The following DOCK4 variants were observed in gnomAD, a reference collection of about 807,000 sequenced individuals.
DOCK4 encodes the protein dedicator of cytokinesis 4.
Under a neutral mutation model 268.1 loss-of-function variants are expected in DOCK4, and 97 were observed. The ratio of observed to expected loss-of-function variants is 0.36; its 90% CI spans 0.31 to 0.43. The LOEUF (loss-of-function observed/expected upper bound fraction) is 0.43, where lower values mean the gene tolerates loss of function less well. Among genes scored for constraint, DOCK4 ranks in the 20% least tolerant of loss-of-function variants. The pLI, the probability that DOCK4 is intolerant of heterozygous loss-of-function variation, is 1.00. For synonymous variants in DOCK4, 954 were observed against 887.2 expected, an observed-to-expected ratio of 1.08 and a Z score of -1.34; for missense variants, 2,145 against 2,455.7, an observed-to-expected ratio of 0.87 and a Z score of 2.67.
chr7:112,084,904 C>T (rs141502115), intron 1 of DOCK4, among the ~76,000 whole-genome samples: 79 of 152,102 alleles, frequency 5.2e-4, no homozygotes, highest in African/African-American at 1.9e-3. Flanking sequence ...GTATTATTAC[C>T]ATGTATGTGT....
intron 1 of DOCK4, among the ~76,000 whole-genome samples, chr7:112,059,336 G>C (rs1222495307): frequency 6.6e-6 from 1 of 151,846 alleles, no homozygotes; most frequent in Non-Finnish European, 1.5e-5. Context: ...TAGAGACAGA[G>C]TTTCACCATG....
At chr7:111,899,870 G>A (rs1790990908) in intron 15 of DOCK4, among the ~76,000 whole-genome samples, 1 of 152,248 alleles carries the variant, frequency 6.6e-6, no homozygotes, top group African/African-American at 2.4e-5. Context: ...GTTGCAGAGA[G>A]CTGAGATTGC....
At chr7:112,162,511 T>TTCTC (rs10551859) in intron 1 of DOCK4, among the ~76,000 whole-genome samples, 52 of 140,720 alleles carry the variant, frequency 3.7e-4, no homozygotes, top group Admixed American at 1.9e-3. Flanking sequence ...GTCTCTTTCT[T>TTCTC]TCTCTCTCTC....
chr7:111,803,086 G>C (rs1421353192), intron 30 of DOCK4, among the ~76,000 whole-genome samples: 1 of 152,158 alleles, frequency 6.6e-6, no homozygotes, highest in Admixed American at 6.5e-5. Context: ...GTCATGTATA[G>C]CTGGTTTCTT....
intron 25 of DOCK4, among the ~76,000 whole-genome samples, chr7:111,840,394 A>T (rs1022310305): frequency 6.6e-6 from 1 of 152,218 alleles, no homozygotes; most frequent in Non-Finnish European, 1.5e-5. Context: ...ACGAGTAAGC[A>T]TTTATAAATT....
At chr7:111,848,249 T>C (rs746138357) in intron 23 of DOCK4, among the ~76,000 whole-genome samples, 99 of 152,298 alleles carry the variant, frequency 6.5e-4, no homozygotes, top group Non-Finnish European at 1.2e-3. Flanking sequence ...TTCCAAATCA[T>C]GTATTCAGTT....
At chr7:112,051,895 A>T (rs562386917) in intron 1 of DOCK4, among the ~76,000 whole-genome samples, 4 of 152,306 alleles carry the variant, frequency 2.6e-5, no homozygotes, top group East Asian at 3.9e-4. Context: ...AGCTAGACAG[A>T]TATCTATCGA....
intron 35 of DOCK4, among the ~76,000 whole-genome samples, chr7:111,781,945 T>A (rs146036793): frequency 4.6e-5 from 7 of 152,302 alleles, no homozygotes; most frequent in Non-Finnish European, 8.8e-5. Flanking sequence ...AGGATAAGAA[T>A]GACTGTGCAA....
chr7:112,048,101 T>G (rs1380500349), intron 1 of DOCK4, among the ~76,000 whole-genome samples: 2 of 152,204 alleles, frequency 1.3e-5, no homozygotes, highest in South Asian at 2.1e-4. Flanking sequence ...AGAAAGCATT[T>G]GAATAAATAA....
In DOCK4 at chr7:112,109,979, C is replaced by T. The variant is rs560348989; in HGVS notation, c.37+96123G>A. ...CAGGATGGTCTCGATCTCCTGACCTCGTGATCCGCCCGCCTCGGCCTCCCA... is the reference window on the plus strand; with the variant it reads ...CAGGATGGTCTCGATCTCCTGACCTTGTGATCCGCCCGCCTCGGCCTCCCA... On this transcript the variant is annotated intron_variant, in intron 1 of 52. Coordinates refer to ENST00000428084, the MANE Select transcript of DOCK4 (RefSeq NM_001363540.2). 2.6e-5 allele frequency among the ~76,000 whole-genome samples: 4 copies of T among 151,796 alleles called. No individual in the cohort carries two copies. The South Asian group carries it at 8.3e-4, about 32-fold the overall frequency.
intron 1 of DOCK4, among the ~76,000 whole-genome samples, chr7:112,177,180 C>G (rs1397482174): frequency 6.6e-6 from 1 of 152,174 alleles, no homozygotes. Flanking sequence ...GCAGCCTAGG[C>G]TGAGGTATTT....
chr7:111,813,355 T>C lies in DOCK4; in HGVS notation c.2931-1406A>G, dbSNP rs78283937. Among the ~76,000 whole-genome samples the C allele has an allele frequency of 2.6e-4, 39 of 150,312 alleles. No homozygotes were observed. The East Asian group carries it at 6.7e-3, about 26-fold the overall frequency. Reference sequence around the variant, plus strand: ...ATTATATTTACTAGTTAGAAAAATATAGACTTTGAAAGACATAAATATTCA... The same window carrying C: ...ATTATATTTACTAGTTAGAAAAATACAGACTTTGAAAGACATAAATATTCA... On this transcript the variant is annotated intron_variant, in intron 27 of 52. Transcript: ENST00000428084.
intron 1 of DOCK4, among the ~76,000 whole-genome samples, chr7:112,175,106 G>A (rs1372972932): frequency 1.3e-5 from 2 of 151,800 alleles, no homozygotes; most frequent in African/African-American, 2.4e-5. Context: ...CTCGTGATCT[G>A]CCCGCCTCGG....
chr7:112,203,516 TAC>T (rs1293301321), intron 1 of DOCK4, among the ~76,000 whole-genome samples: 1 of 152,156 alleles, frequency 6.6e-6, no homozygotes, highest in Non-Finnish European at 1.5e-5. Context: ...AATTATCTCA[TAC>T]ATAAATGAGG....
chr7:112,079,177 T>A (rs765889535), intron 1 of DOCK4, among the ~76,000 whole-genome samples: 1 of 151,946 alleles, frequency 6.6e-6, no homozygotes, highest in Non-Finnish European at 1.5e-5. Context: ...GCAGGAAGAA[T>A]AAGGTAAAAT....
rs567018072 is a variant in DOCK4 at position 111,847,313 on chromosome 7, C to T, written c.2474-187G>A. Among the ~76,000 whole-genome samples the T allele has an allele frequency of 5.6e-4, 85 of 152,304 alleles. No individual in the cohort carries two copies. The South Asian group carries it at 7.0e-3, about 13-fold the overall frequency. ...CCTTTCCCTAATGCACAATTCCTAC[C>T]TCAGGAGGCCTTTGACACTTTTAGG... On this transcript the variant is annotated intron_variant, in intron 23 of 52. Transcript: ENST00000428084.
chr7:112,068,780 C>T (rs952319180), intron 1 of DOCK4, among the ~76,000 whole-genome samples: 7 of 152,134 alleles, frequency 4.6e-5, no homozygotes, highest in African/African-American at 1.7e-4. Flanking sequence ...GGTATTCACA[C>T]TCTGATTGAA....
chr7:112,071,475 A>G (rs1173311808), intron 1 of DOCK4, among the ~76,000 whole-genome samples: 5 of 152,182 alleles, frequency 3.3e-5, no homozygotes, highest in Admixed American at 2.0e-4. Context: ...CTGAAGTTTA[A>G]CAGACCCTAC....
chr7:111,821,682 C>A (rs1196064297), intron 27 of DOCK4: 1 of 152,154 alleles, frequency 6.6e-6, no homozygotes, highest in Admixed American at 6.5e-5. Flanking sequence ...CTCCCAAATG[C>A]CTGTATTTTG....
Sources: allele counts gnomAD v4.1 joint callset (sites outside exome capture counted in the v4.1 genomes callset), GRCh38; gene constraint gnomAD v4.1.1; transcripts MANE v1.5; gene names NCBI Gene and HGNC (gene_info 2026-07-23, HGNC 2026-07-21).